The following LRRC28 variants were observed in gnomAD, a reference collection of about 807,000 sequenced individuals.
LRRC28 encodes the protein leucine-rich repeat-containing protein 28.
LRRC28 carries 39 observed loss-of-function variants against 45.7 expected under a neutral mutation model. The ratio of observed to expected loss-of-function variants is 0.85; its 90% CI spans 0.66 to 1.12. The LOEUF is 1.12. LRRC28 is among the 50% of genes most tolerant of loss of function. LRRC28 has a pLI of 0.00. For missense variants in LRRC28, 435 were observed against 438.5 expected (o/e 0.99, Z 0.07); for synonymous variants, 206 against 178.8 (o/e 1.15, Z -1.22).
intron 5 of LRRC28, among the ~76,000 whole-genome samples, chr15:99,304,330 C>T (rs1955099376): frequency 1.3e-5 from 2 of 152,148 alleles, no homozygotes; most frequent in Admixed American, 1.3e-4. Flanking sequence ...TATTTTTTCT[C>T]AGTCTGCGGT....
intron 2 of LRRC28, among the ~76,000 whole-genome samples, chr15:99,263,141 CTT>C (rs2081244026): frequency 5.7e-5 from 6 of 105,450 alleles, no homozygotes; most frequent in Admixed American, 4.0e-4. Flanking sequence ...AAAATGCTGT[CTT>C]ATAAAAAATA....
At chr15:99,275,474 G>C (rs1486699543) in intron 2 of LRRC28, among the ~76,000 whole-genome samples, 1 of 152,210 alleles carries the variant, frequency 6.6e-6, no homozygotes, top group Non-Finnish European at 1.5e-5. Context: ...TTGTACCTGG[G>C]GGCCCTGCAG....
At chr15:99,377,945 T>G (rs892585673) in intron 9 of LRRC28, among the ~76,000 whole-genome samples, 3 of 152,108 alleles carry the variant, frequency 2.0e-5, no homozygotes, top group Non-Finnish European at 4.4e-5. Context: ...GGTTACTATA[T>G]CCTTGTATTA....
At chr15:99,253,412 C>T (rs1040489412) in intron 1 of LRRC28, among the ~76,000 whole-genome samples, 3 of 152,236 alleles carry the variant, frequency 2.0e-5, no homozygotes, top group East Asian at 1.9e-4. Context: ...TGAGCCACTG[C>T]GCCCGGTCTC....
intron 8 of LRRC28, 40 bp from the exon 9 acceptor site, chr15:99,363,066 A>AT (rs764786146): frequency 9.5e-6 from 15 of 1,575,198 alleles, no homozygotes; most frequent in African/African-American, 1.4e-5. Context: ...AGGAAGTCTG[A>AT]TTTTTTTACT....
In LRRC28 at chr15:99,363,099, G is replaced by T; in HGVS notation, c.872-7G>T. ...ACTCGTGTGCGTGATTTTCTTTTGTGTTCCAGATTTGAACTTTCTGTCTCC... is the reference window on the plus strand; with the variant it reads ...ACTCGTGTGCGTGATTTTCTTTTGTTTTCCAGATTTGAACTTTCTGTCTCC... On this transcript the variant is annotated splice_region_variant and splice_polypyrimidine_tract_variant and intron_variant, in intron 8 of 9. Coordinates refer to ENST00000301981, the MANE Select transcript of LRRC28 (RefSeq NM_144598.5). 1 of 1,600,694 alleles carries T rather than the reference G, an allele frequency of 6.2e-7. No homozygotes were observed. Among genetic ancestry groups the T allele is most frequent in the Non-Finnish European group, 8.5e-7 (1 of 1,173,366 alleles).
chr15:99,358,069 C>CA (rs34605943), intron 7 of LRRC28, among the ~76,000 whole-genome samples: 1 of 151,564 alleles, frequency 6.6e-6, no homozygotes, highest in Admixed American at 6.6e-5. Flanking sequence ...GATATGCTAC[C>CA]AAAAAAAATC....
chr15:99,264,600 T>C (rs917842053), intron 2 of LRRC28, among the ~76,000 whole-genome samples: 2 of 152,178 alleles, frequency 1.3e-5, no homozygotes, highest in South Asian at 2.1e-4. Flanking sequence ...AACCCCCACA[T>C]AGATGGGATA....
At chr15:99,276,532 C>G (rs1332888472) in intron 2 of LRRC28, 44 bp from the exon 3 acceptor site, 1 of 1,471,056 alleles carries the variant, frequency 6.8e-7, no homozygotes, top group Non-Finnish European at 9.2e-7. Context: ...AATGTTTAGA[C>G]ATTTTTCAAA....
At chr15:99,340,906 TAAC>T (rs1956484245) in intron 6 of LRRC28, among the ~76,000 whole-genome samples, 2 of 152,256 alleles carry the variant, frequency 1.3e-5, no homozygotes, top group Admixed American at 6.5e-5. Context: ...ATTAGTCAGT[TAAC>T]AAAAATCCAT....
At chr15:99,315,884 G>C (rs1267650531) in intron 5 of LRRC28, among the ~76,000 whole-genome samples, 2 of 152,142 alleles carry the variant, frequency 1.3e-5, no homozygotes, top group Non-Finnish European at 2.9e-5. Flanking sequence ...GGGCAGCAGA[G>C]CAAGAACCTG....
rs1458991497 is a variant in LRRC28 at position 99,389,452 on chromosome 15, A to AT, written c.*3352dup. On this transcript the variant is annotated 3_prime_UTR_variant, in exon 10 of 10. Transcript: ENST00000301981. ...CCCTTTCCTGAATGAAAAATCAGAA[A>AT]TTCTAATCTTTGCTATAAAGTACTT... The AT allele has an allele frequency of 1.3e-5, 2 of 152,204 alleles. No individual in the cohort carries two copies. The highest frequency in any genetic ancestry group is 2.9e-5 in the Non-Finnish European group (2 of 68,042). The allele number at this position is 152,204 out of a possible 1,614,324, so 9.4% of individuals were successfully genotyped here.
At chr15:99,260,405 T>G (rs556737732) in intron 2 of LRRC28, among the ~76,000 whole-genome samples, 1 of 152,382 alleles carries the variant, frequency 6.6e-6, no homozygotes, top group East Asian at 1.9e-4. Flanking sequence ...ATACATTTTA[T>G]TTCCCTGCAA....
At chr15:99,314,615 A>G (rs1216412728) in intron 5 of LRRC28, among the ~76,000 whole-genome samples, 2 of 152,184 alleles carry the variant, frequency 1.3e-5, no homozygotes, top group African/African-American at 4.8e-5. Flanking sequence ...GTTACTGACA[A>G]AAACATTGGG....
chr15:99,288,018 C>G (rs2082005229), intron 5 of LRRC28, 67 bp downstream of exon 5: 2 of 1,419,424 alleles, frequency 1.4e-6, no homozygotes, highest in Non-Finnish European at 1.9e-6. Context: ...ATTTCTCACT[C>G]TATGTCTAGG....
rs1363080520 is a variant in LRRC28, at chr15:99,387,496, T to TA, written c.*1395dup. 3 of 152,122 alleles carry TA rather than the reference T, an allele frequency of 2.0e-5. No individual in the cohort carries two copies. The highest frequency in any genetic ancestry group is 7.2e-5 in the African/African-American group (3 of 41,418). The allele number at this position is 152,122 out of a possible 1,614,324, so 9.4% of individuals were successfully genotyped here. On this transcript the variant is annotated 3_prime_UTR_variant, in exon 10 of 10. Transcript: ENST00000301981. ...TACTGCCCAGATGCAACTGAGAAAA[T>TA]ACAGGAAAAGCAGGTCCAAATTCAG...
chr15:99,363,184 G>A lies in LRRC28; in HGVS notation c.950G>A (p.Arg317Gln), dbSNP rs146149070. 8.1e-6 allele frequency: 13 copies of A among 1,613,880 alleles called. No homozygotes were observed. The Admixed American group carries it at 1.7e-4, about 21-fold the overall frequency. The change falls in exon 9 of 10, where the codon CGG becomes CAG. Residue 317 changes from arginine to glutamine, a missense_variant. Physicochemically the swap from Arg to Gln is conservative, Grantham distance 43. Transcript: ENST00000301981. ...CACTGCCCTCTGGGGCACTGTCATC[G>A]GTGTAGTGAGCCTATGTTTACCATC... ...LLHCPLGHCHRCSEPMFTIVY... is the reference protein window; with the variant it reads ...LLHCPLGHCHQCSEPMFTIVY...
intron 1 of LRRC28, 178 bp downstream of exon 1, chr15:99,251,719 G>A (rs2080795695): frequency 6.6e-6 from 1 of 152,210 alleles, no homozygotes; most frequent in Non-Finnish European, 1.5e-5. Flanking sequence ...CCCACTCTGC[G>A]GCCCGCGGCC....
At chr15:99,259,983 C>T (rs1209931443) in intron 2 of LRRC28, 10 of 636,918 alleles carry the variant, frequency 1.6e-5, no homozygotes, top group Middle Eastern at 2.7e-4. Flanking sequence ...AAACAAGAAA[C>T]AGCAAAGGAA....
Sources: gnomAD v4.1 joint callset for allele counts (sites outside exome capture counted in the v4.1 genomes callset) on GRCh38, gnomAD v4.1.1 for gene constraint, MANE v1.5 for transcripts, NCBI Gene and HGNC (gene_info 2026-07-23, HGNC 2026-07-21) for gene names.